The following EML1 variants were observed in gnomAD, a reference collection of about 807,000 sequenced individuals.
EML1 encodes the protein echinoderm microtubule-associated protein-like 1.
A neutral mutation model predicts 110.4 loss-of-function variants in EML1; 27 were observed. The ratio of observed to expected loss-of-function variants is 0.24; its 90% CI spans 0.18 to 0.34. The LOEUF is 0.34. Ranked by LOEUF, EML1 falls within the 10% of genes least tolerant of loss-of-function variation. The pLI is 1.00. For synonymous variants in EML1, 344 were observed against 385.8 expected (o/e 0.89, Z 1.27); for missense variants, 741 against 1,030.9 (o/e 0.72, Z 3.85).
intron 1 of EML1, among the ~76,000 whole-genome samples, chr14:99,842,001 C>G (rs1223470366): frequency 6.9e-6 from 1 of 145,800 alleles, no homozygotes; most frequent in Non-Finnish European, 1.5e-5. Context: ...CCCTCTAACA[C>G]TGTAAAGTGA....
rs1251575149 is a variant in EML1, at chr14:99,781,062, T to G, written c.-27+7049T>G. 1.3e-5 allele frequency among the ~76,000 whole-genome samples: 2 copies of G among 152,164 alleles called. No homozygotes were observed. The highest frequency in any genetic ancestry group is 2.9e-5 in the Non-Finnish European group (2 of 68,014). On this transcript the variant is annotated intron_variant, in intron 1 of 22. Transcript: ENST00000327921. This position sits in a 1 kb window ranked among gnomAD's most constrained non-coding sequence, Gnocchi z 4.2. Reference sequence around the variant, plus strand: ...CTCCCGGGTGATGAAGCATCTCTCCTTCTTTCCAAGGACACGCGCCCCTGC... The same window carrying G: ...CTCCCGGGTGATGAAGCATCTCTCCGTCTTTCCAAGGACACGCGCCCCTGC...
chr14:99,822,035 G>C (rs949647337), intron 1 of EML1, among the ~76,000 whole-genome samples: 4 of 152,154 alleles, frequency 2.6e-5, no homozygotes, highest in African/African-American at 9.7e-5. Context: ...CCAGCCTGGT[G>C]TGTGAGATGA....
chr14:99,889,004 G>A (rs1398046579), intron 4 of EML1, among the ~76,000 whole-genome samples: 3 of 152,160 alleles, frequency 2.0e-5, no homozygotes, highest in East Asian at 1.9e-4. Flanking sequence ...ATTGGGAGCC[G>A]GACAGGCGGC....
intron 1 of EML1, among the ~76,000 whole-genome samples, chr14:99,761,474 C>T (rs1028502773): frequency 6.6e-6 from 1 of 152,142 alleles, no homozygotes; most frequent in Non-Finnish European, 1.5e-5. Flanking sequence ...CGCCTGGCTG[C>T]CCTTCCCAAG....
chr14:99,750,170 A>G (rs1045634160), intron 1 of EML1, among the ~76,000 whole-genome samples: 4 of 152,206 alleles, frequency 2.6e-5, no homozygotes, highest in African/African-American at 9.6e-5. Flanking sequence ...ATCCATCTCT[A>G]ACAGCAGGCT....
intron 4 of EML1, among the ~76,000 whole-genome samples, chr14:99,882,838 C>T (rs1231954492): frequency 6.6e-6 from 1 of 151,172 alleles, no homozygotes; most frequent in Non-Finnish European, 1.5e-5. Context: ...AAAAAAAACC[C>T]ACCTCAAAAT....
At chr14:99,847,714 A>G (rs1355610986) in intron 1 of EML1, among the ~76,000 whole-genome samples, 1 of 152,158 alleles carries the variant, frequency 6.6e-6, no homozygotes, top group African/African-American at 2.4e-5. Context: ...ATATGATTGC[A>G]GTGTTTTTCT....
At chr14:99,789,819 G>C (rs1003740713), upstream of EML1, among the ~76,000 whole-genome samples, 2 of 152,178 alleles carry the variant, frequency 1.3e-5, no homozygotes, top group African/African-American at 4.8e-5. Flanking sequence ...TTGTCCTACA[G>C]AGTACACATC....
intron 1 of EML1, among the ~76,000 whole-genome samples, chr14:99,819,714 G>A (rs568232419): frequency 6.6e-6 from 1 of 152,308 alleles, no homozygotes; most frequent in South Asian, 2.1e-4. Flanking sequence ...CGTGGTGGGA[G>A]GGGTGAAGCA....
chr14:99,892,064 G>A (rs887244565), intron 5 of EML1: 26 of 863,028 alleles, frequency 3.0e-5, no homozygotes, highest in Admixed American at 2.5e-4. Context: ...GTTGGCCTGC[G>A]GGCTAGTGAG....
rs74087914 is a variant in EML1 at position 99,878,313 on chromosome 14, C to T, written c.384-172C>T. On this transcript the variant is annotated intron_variant, in intron 3 of 21. Transcript: ENST00000262233. The stretch of plus-strand genomic sequence containing the variant: ...CTCAGTTAAAAAGGCAGAGAGAGAG[C>T]AGAGATGTTATTCTATGTGACACTC... 0.023 allele frequency among the ~76,000 whole-genome samples: 3,457 copies of T among 152,232 alleles called. 131 individuals carry two copies. The highest frequency in any genetic ancestry group is 0.08 in the African/African-American group (3,314 of 41,538).
At chr14:99,919,279 A>G (rs1020034457) in intron 16 of EML1, among the ~76,000 whole-genome samples, 15 of 152,246 alleles carry the variant, frequency 9.9e-5, no homozygotes, top group Non-Finnish European at 4.4e-5. Flanking sequence ...TTCTGTTGCT[A>G]TGACTGCAGA....
chr14:99,770,117 G>C (rs139107083), upstream of EML1, among the ~76,000 whole-genome samples: 13 of 152,138 alleles, frequency 8.5e-5, no homozygotes, highest in African/African-American at 2.2e-4. Context: ...ACCCTCCTCT[G>C]TCCTCCTATG....
In EML1 at chr14:99,910,242, A is replaced by C. The variant is rs2059924765; in HGVS notation, c.1240A>C (p.Lys414Gln). 1 of 1,607,258 alleles carries C rather than the reference A, an allele frequency of 6.2e-7. No homozygotes were observed. The highest frequency in any genetic ancestry group is 8.5e-7 in the Non-Finnish European group (1 of 1,177,508). ...ATAATTTTTTTACTACATTCTACAGAAACAAGAAAAGCCAAAGTTTGTCCT... is the reference window on the plus strand; with the variant it reads ...ATAATTTTTTTACTACATTCTACAGCAACAAGAAAAGCCAAAGTTTGTCCT... ...SLNKKQGLFE[K>Q]QEKPKFVLCV... is the part of the protein sequence containing the mutation. The change falls in exon 12 of 22, where the codon AAA becomes CAA. Residue 414 changes from lysine (K) to glutamine (Q), a missense_variant and splice_region_variant. Coordinates refer to ENST00000262233, the MANE Select transcript of EML1 (RefSeq NM_004434.3).
chr14:99,807,838 T>C lies in EML1; in HGVS notation c.67+14295T>C, dbSNP rs75287537. 5.1e-4 allele frequency among the ~76,000 whole-genome samples: 78 copies of C among 152,284 alleles called. 1 individual carries two copies. The East Asian group carries it at 0.015, about 29-fold the overall frequency. ...AAGTGTCACCTTAGTGTTGTCTTGA[T>C]GGTTACAGCTGGGTTGACTTATCCT... On this transcript the variant is annotated intron_variant, in intron 1 of 21. Coordinates refer to ENST00000262233, the MANE Select transcript of EML1 (RefSeq NM_004434.3).
chr14:99,769,414 T>G (rs983060331), upstream of EML1, among the ~76,000 whole-genome samples: 21 of 152,156 alleles, frequency 1.4e-4, no homozygotes, highest in African/African-American at 5.1e-4. Context: ...CTTCAAGGCT[T>G]GTCCTCAGTA....
At chr14:99,805,368 G>A (rs966550855) in intron 1 of EML1, among the ~76,000 whole-genome samples, 37 of 152,222 alleles carry the variant, frequency 2.4e-4, no homozygotes, top group Non-Finnish European at 5.0e-4. Context: ...CAACTGCTGT[G>A]ACTTAGTGTT....
At chr14:99,932,923 T>G (rs1401635195) in intron 17 of EML1, among the ~76,000 whole-genome samples, 1 of 152,038 alleles carries the variant, frequency 6.6e-6, no homozygotes, top group African/African-American at 2.4e-5. Context: ...CGAGACCAGC[T>G]TGGGCAACAT....
chr14:99,895,596 A>G (rs1432135264), intron 6 of EML1, among the ~76,000 whole-genome samples: 2 of 152,188 alleles, frequency 1.3e-5, no homozygotes, highest in African/African-American at 4.8e-5. Flanking sequence ...GAGGACTAGC[A>G]TTCTCCCCTT....
Sources: gnomAD v4.1 joint callset for allele counts (sites outside exome capture counted in the v4.1 genomes callset) on GRCh38, gnomAD v4.1.1 for gene constraint, Gnocchi (gnomAD v3.1) non-coding constraint, MANE v1.5 for transcripts, NCBI Gene and HGNC (gene_info 2026-07-23, HGNC 2026-07-21) for gene names.